Variants in HIVEP1 observed in about 807,000 individuals in gnomAD.
HIVEP1 encodes HIVEP zinc finger 1.
HIVEP1 carries 36 observed loss-of-function variants against 180.0 expected under a neutral mutation model. That is an observed-to-expected ratio of 0.20 (90% CI 0.15 to 0.26). HIVEP1 has a LOEUF of 0.26. HIVEP1 is among the 10% of genes least tolerant of loss of function. The pLI is 1.00. For synonymous variants in HIVEP1, 1,239 were observed against 1,239.0 expected, an observed-to-expected ratio of 1.00 and a Z score of 0.00; for missense variants, 3,143 against 3,268.7, an observed-to-expected ratio of 0.96 and a Z score of 0.94.
At chr6:12,074,974 G>C (rs1432450216) in intron 2 of HIVEP1, among the ~76,000 whole-genome samples, 2 of 152,144 alleles carry the variant, frequency 1.3e-5, no homozygotes, top group East Asian at 3.8e-4. Context: ...TCTTGTATTA[G>C]ATATCGTTTA....
Position 12,018,637 on chromosome 6 carries a change from T to A in HIVEP1, c.40+2969T>A, listed in dbSNP as rs1338333729. Among the ~76,000 whole-genome samples, 3 of 152,008 alleles carry A rather than the reference T, an allele frequency of 2.0e-5. No individual in the cohort carries two copies. In the East Asian group the frequency reaches 5.8e-4, roughly 29 times the overall value. On this transcript the variant is annotated intron_variant, in intron 2 of 8. Coordinates refer to ENST00000379388, the MANE Select transcript of HIVEP1 (RefSeq NM_002114.4). ...CCATTGTAGGGGGCGCAGTTTGGGG[T>A]GAAGCAGAATGATGATTTAGGGAAG...
chr6:12,015,614 CCT>C lies in HIVEP1; in HGVS notation c.-14_-13del, dbSNP rs764176502. ...CAGTTTTTAAGAAGAAAAAGAAGGC[CCT>C]GAGTCAAAGAAGATGCCTCGAACTA... On this transcript the variant is annotated 5_prime_UTR_variant, in exon 2 of 9. An upstream open reading frame in the 5' UTR loses its in-frame stop. Coordinates refer to ENST00000379388, the MANE Select transcript of HIVEP1 (RefSeq NM_002114.4). 4.3e-6 allele frequency: 7 copies of C among 1,612,080 alleles called. No individual in the cohort carries two copies. Among genetic ancestry groups the C allele is most frequent in the Non-Finnish European group, 5.1e-6 (6 of 1,178,900 alleles).
At chr6:12,195,574 T>C in the HIVEP1 span, among the ~76,000 whole-genome samples, 2 of 152,318 alleles carry the variant, frequency 1.3e-5, no homozygotes, top group East Asian at 3.9e-4. Flanking sequence ...CCTATACACA[T>C]TTTACAGATA....
downstream of HIVEP1, among the ~76,000 whole-genome samples, chr6:12,167,964 ATATT>A (rs886461298): frequency 1.7e-5 from 2 of 120,372 alleles, no homozygotes; most frequent in Non-Finnish European, 1.7e-5. Context: ...ATATATGTAT[ATATT>A]ATATATACAT....
At chr6:12,202,093 A>C in the HIVEP1 span, among the ~76,000 whole-genome samples, 59 of 152,170 alleles carry the variant, frequency 3.9e-4, no homozygotes, top group Non-Finnish European at 5.4e-4. Flanking sequence ...TTTAAATACT[A>C]CATAGGACAA....
intron 2 of HIVEP1, among the ~76,000 whole-genome samples, chr6:12,052,574 T>TCAGGAATTAAAACTATCTTATGAGG (rs1361653866): frequency 7.9e-5 from 12 of 152,338 alleles, no homozygotes; most frequent in African/African-American, 2.6e-4. Flanking sequence ...GTCATCTCTT[T>TCAGGAATTAAAACTATCTTATGAGG]CAGGAATTAA....
chr6:12,041,347 G>A (rs1053695903), intron 2 of HIVEP1, among the ~76,000 whole-genome samples: 25 of 150,858 alleles, frequency 1.7e-4, no homozygotes, highest in African/African-American at 5.4e-4. Flanking sequence ...GCGTGAACCC[G>A]GGAGGCGGAG....
the HIVEP1 span, among the ~76,000 whole-genome samples, chr6:12,202,080 G>A: frequency 3.9e-5 from 6 of 152,070 alleles, no homozygotes; most frequent in Non-Finnish European, 8.8e-5. Context: ...GAATTAAAAC[G>A]ACTTTAAATA....
chr6:12,211,347 C>T, the HIVEP1 span, among the ~76,000 whole-genome samples: 9 of 106,358 alleles, frequency 8.5e-5, no homozygotes, highest in East Asian at 6.8e-4. Flanking sequence ...TTGCAGTGAG[C>T]CGAGATCGCG....
chr6:12,104,446 T>TTC, intron 3 of HIVEP1, among the ~76,000 whole-genome samples: 1 of 141,840 alleles, frequency 7.1e-6, no homozygotes, highest in Non-Finnish European at 1.5e-5. Flanking sequence ...TTTTTTTTTT[T>TTC]TTTCTGAGAC....
At position 12,063,404 on chromosome 6, in the gene HIVEP1, C is replaced by G. The variant is rs900567579; in HGVS notation, c.41-25780C>G. ...CCAAATGCCTTTTGGGGGGCAAAAT[C>G]ACCCCAACCTAAAAACCACTAGTGG... On this transcript the variant is annotated intron_variant, in intron 2 of 8. Transcript: ENST00000379388. This position sits in a 1 kb window ranked among gnomAD's most constrained non-coding sequence, Gnocchi z 4.2. 2.0e-5 allele frequency among the ~76,000 whole-genome samples: 3 copies of G among 152,060 alleles called. No homozygotes were observed. Among genetic ancestry groups the G allele is most frequent in the Admixed American group, 6.6e-5 (1 of 15,260 alleles).
intron 2 of HIVEP1, among the ~76,000 whole-genome samples, chr6:12,084,134 C>T (rs1772965058): frequency 6.6e-6 from 1 of 152,136 alleles, no homozygotes; most frequent in African/African-American, 2.4e-5. Context: ...TGGCAACTCT[C>T]TCAGCTTTGT....
At chr6:12,145,594 T>C (rs1177726309) in intron 7 of HIVEP1, among the ~76,000 whole-genome samples, 3 of 151,438 alleles carry the variant, frequency 2.0e-5, no homozygotes, top group Non-Finnish European at 4.4e-5. Context: ...CTCTAGCAGA[T>C]GTCGTTTGAT....
chr6:12,133,282 G>A (rs1758527194), intron 6 of HIVEP1, among the ~76,000 whole-genome samples: 1 of 152,168 alleles, frequency 6.6e-6, no homozygotes, highest in African/African-American at 2.4e-5. Flanking sequence ...AAAACATATA[G>A]AGAGCTTGTA....
intron 2 of HIVEP1, among the ~76,000 whole-genome samples, chr6:12,073,490 G>A (rs767519392): frequency 4.6e-5 from 7 of 151,994 alleles, no homozygotes; most frequent in Non-Finnish European, 1.0e-4. Context: ...CCCCATCTCT[G>A]TGTCCTCCAG....
At chr6:12,044,776 G>A (rs989159051) in intron 2 of HIVEP1, among the ~76,000 whole-genome samples, 2 of 150,632 alleles carry the variant, frequency 1.3e-5, no homozygotes, top group African/African-American at 2.5e-5. Context: ...CAGTGCACCT[G>A]TGTACAGCTG....
chr6:12,139,147 G>A (rs908622327), intron 7 of HIVEP1, among the ~76,000 whole-genome samples: 2 of 151,828 alleles, frequency 1.3e-5, no homozygotes, highest in Non-Finnish European at 2.9e-5. Context: ...AGCCCCAGGG[G>A]TTTCCTGACT....
chr6:12,142,840 G>T (rs915471509), intron 7 of HIVEP1, among the ~76,000 whole-genome samples: 5 of 152,178 alleles, frequency 3.3e-5, no homozygotes, highest in African/African-American at 4.8e-5. Context: ...CCAGGAAGAA[G>T]TTCAATCTCT....
chr6:12,013,649 A>G (rs1374702638), intron 1 of HIVEP1, among the ~76,000 whole-genome samples: 1 of 152,256 alleles, frequency 6.6e-6, no homozygotes, highest in African/African-American at 2.4e-5. Flanking sequence ...AAGTTTAACA[A>G]CGAACGTAGT....
Sources: gnomAD v4.1 joint callset for allele counts (sites outside exome capture counted in the v4.1 genomes callset) on GRCh38, gnomAD v4.1.1 for gene constraint, Gnocchi (gnomAD v3.1) non-coding constraint, MANE v1.5 for transcripts, NCBI Gene and HGNC (gene_info 2026-07-23, HGNC 2026-07-21) for gene names.